Variants in RNF216 observed in about 807,000 individuals in gnomAD.
RNF216 encodes the protein E3 ubiquitin-protein ligase RNF216.
Under a neutral mutation model 110.8 loss-of-function variants are expected in RNF216, and 72 were observed. That is an observed-to-expected ratio of 0.65 (90% CI 0.54 to 0.79). The LOEUF (loss-of-function observed/expected upper bound fraction) is 0.79, where lower values mean the gene tolerates loss of function less well. Ranked by LOEUF, RNF216 falls within the 30% of genes least tolerant of loss-of-function variation. The pLI is 0.00. For synonymous variants in RNF216, 495 were observed against 407.5 expected (o/e 1.21, Z -2.59); for missense variants, 1,342 against 1,141.2 (o/e 1.18, Z -2.54).
At chr7:5,655,754 T>TG (rs1788701406) in intron 13 of RNF216, among the ~76,000 whole-genome samples, 1 of 147,346 alleles carries the variant, frequency 6.8e-6, no homozygotes, top group East Asian at 1.9e-4. Context: ...CTCTCTCTTC[T>TG]AAACAGTGTA....
At chr7:5,773,289 C>T (rs1305772113) in intron 1 of RNF216, among the ~76,000 whole-genome samples, 1 of 151,270 alleles carries the variant, frequency 6.6e-6, no homozygotes, top group Non-Finnish European at 1.5e-5. Flanking sequence ...GTCACCTGGG[C>T]TGGAGTGCAG....
At chr7:5,728,065 T>C (rs1434810868) in intron 7 of RNF216, among the ~76,000 whole-genome samples, 8 of 152,142 alleles carry the variant, frequency 5.3e-5, no homozygotes, top group African/African-American at 1.9e-4. Context: ...CAACCAACGT[T>C]TCCCAGACTG....
At chr7:5,629,461 GA>G (rs34015908) in intron 15 of RNF216, among the ~76,000 whole-genome samples, 8 of 147,744 alleles carry the variant, frequency 5.4e-5, no homozygotes, top group Non-Finnish European at 1.1e-4. Flanking sequence ...TCCTGTCTCA[GA>G]AAAAAAAAAG....
In RNF216 at chr7:5,779,578, G is replaced by T. The variant is rs976364928; in HGVS notation, c.-70+1963C>A. On this transcript the variant is annotated intron_variant, in intron 1 of 16. Transcript: ENST00000389902. ...GTTCTGGCAGAGCACGGTGGCTAAAGCCTGTAATTCTTGTGCTTTGGGAGG... is the reference window on the plus strand; with the variant it reads ...GTTCTGGCAGAGCACGGTGGCTAAATCCTGTAATTCTTGTGCTTTGGGAGG... Among the ~76,000 whole-genome samples, 4 of 149,546 alleles carry T rather than the reference G, an allele frequency of 2.7e-5. No individual in the cohort carries two copies. The Admixed American group carries it at 2.7e-4, about 10-fold the overall frequency.
At chr7:5,713,036 A>T (rs1792816252) in intron 11 of RNF216, among the ~76,000 whole-genome samples, 173 bp from the exon 12 acceptor site, 2 of 152,244 alleles carry the variant, frequency 1.3e-5, no homozygotes, top group African/African-American at 4.8e-5. Flanking sequence ...AAAATCCAGT[A>T]CATCTTTGAT....
chr7:5,657,156 AC>A (rs1173470127), intron 13 of RNF216, among the ~76,000 whole-genome samples: 1 of 152,208 alleles, frequency 6.6e-6, no homozygotes, highest in African/African-American at 2.4e-5. Context: ...CTACAGTGAA[AC>A]CTGTCAACTC....
At chr7:5,635,613 G>A (rs1254603739) in intron 15 of RNF216, among the ~76,000 whole-genome samples, 2 of 152,064 alleles carry the variant, frequency 1.3e-5, no homozygotes, top group East Asian at 1.9e-4. Context: ...AGGACTTTCT[G>A]CATGCCTGAT....
intron 1 of RNF216, among the ~76,000 whole-genome samples, chr7:5,764,968 G>T (rs1416225450): frequency 6.6e-6 from 1 of 151,882 alleles, no homozygotes; most frequent in South Asian, 2.1e-4. Context: ...TACTCCTGAG[G>T]CTGAGGCTAG....
intron 13 of RNF216, among the ~76,000 whole-genome samples, chr7:5,685,534 C>T (rs1209689106): frequency 1.3e-5 from 2 of 152,222 alleles, no homozygotes; most frequent in Non-Finnish European, 2.9e-5. Context: ...ACACGGTGAA[C>T]TACATCAAGG....
intron 13 of RNF216, among the ~76,000 whole-genome samples, chr7:5,682,943 T>C: frequency 6.6e-6 from 1 of 152,114 alleles, no homozygotes; most frequent in South Asian, 2.1e-4. Flanking sequence ...ATTCTACATT[T>C]CCAACTCAGG....
At chr7:5,646,503 C>T (rs1584369852) in intron 14 of RNF216, among the ~76,000 whole-genome samples, 1 of 151,970 alleles carries the variant, frequency 6.6e-6, no homozygotes, top group South Asian at 2.1e-4. Context: ...ACTATCCTGG[C>T]TAACACGGTG....
intron 8 of RNF216, among the ~76,000 whole-genome samples, chr7:5,723,794 G>C (rs1050096374): frequency 4.6e-5 from 7 of 152,154 alleles, no homozygotes; most frequent in African/African-American, 1.4e-4. Flanking sequence ...GCAGTGTTTA[G>C]ACGGAAAACA....
At chr7:5,774,324 T>C (rs1010108359) in intron 1 of RNF216, among the ~76,000 whole-genome samples, 2 of 152,286 alleles carry the variant, frequency 1.3e-5, no homozygotes, top group Non-Finnish European at 2.9e-5. Flanking sequence ...AAGTCCCAGC[T>C]TTACTGTGGT....
chr7:5,647,567 C>T (rs1405564380), intron 14 of RNF216, among the ~76,000 whole-genome samples: 1 of 151,982 alleles, frequency 6.6e-6, no homozygotes, highest in Non-Finnish European at 1.5e-5. Flanking sequence ...CTCCTGGGTT[C>T]AAGCAATCCT....
chr7:5,677,972 G>A (rs1425197157), intron 13 of RNF216, among the ~76,000 whole-genome samples: 1 of 152,130 alleles, frequency 6.6e-6, no homozygotes, highest in African/African-American at 2.4e-5. Flanking sequence ...TAAGACCACA[G>A]TGATCTTTCC....
intron 7 of RNF216, among the ~76,000 whole-genome samples, chr7:5,728,453 A>G (rs1793891946): frequency 6.6e-6 from 1 of 152,058 alleles, no homozygotes; most frequent in Non-Finnish European, 1.5e-5. Flanking sequence ...GAGCACCTAC[A>G]GTCCCAGCTA....
chr7:5,734,825 A>AAATAAAT (rs1794298553), intron 5 of RNF216, among the ~76,000 whole-genome samples: 3 of 118,144 alleles, frequency 2.5e-5, no homozygotes, highest in East Asian at 2.9e-4. Flanking sequence ...ACTCTCTCTC[A>AAATAAAT]AAATAAATAA....
chr7:5,647,765 T>G (rs1359233444), intron 14 of RNF216, among the ~76,000 whole-genome samples: 1 of 152,228 alleles, frequency 6.6e-6, no homozygotes, highest in Non-Finnish European at 1.5e-5. Context: ...CCAAGACCTG[T>G]TGATTTTACA....
intron 5 of RNF216, among the ~76,000 whole-genome samples, chr7:5,738,087 CAAAAAAAA>C (rs200643372): frequency 9.0e-6 from 1 of 111,004 alleles, no homozygotes; most frequent in Non-Finnish European, 1.8e-5. Flanking sequence ...AGACTGTCTC[CAAAAAAAA>C]AAAAAAAAAA....
Sources: gnomAD v4.1 joint callset for allele counts (sites outside exome capture counted in the v4.1 genomes callset) on GRCh38, gnomAD v4.1.1 for gene constraint, MANE v1.5 for transcripts, NCBI Gene and HGNC (gene_info 2026-07-23, HGNC 2026-07-21) for gene names.